The following CSMD1 variants were observed in gnomAD, a reference collection of about 807,000 sequenced individuals.
CSMD1 encodes CUB and Sushi multiple domains 1.
A neutral mutation model predicts 417.5 loss-of-function variants in CSMD1; 213 were observed. The observed-to-expected ratio is 0.51, with a 90% CI of 0.46 to 0.57. CSMD1 has a LOEUF of 0.57. CSMD1 is among the 20% of genes least tolerant of loss of function. The probability of loss-of-function intolerance (pLI) is 0.00; values close to 1 mark genes in which losing one functional copy is unlikely to be tolerated. For missense variants in CSMD1, 6,923 were observed against 4,529.7 expected (o/e 1.53, Z -15.17); for synonymous variants, 2,862 against 1,736.8 (o/e 1.65, Z -16.11).
At chr8:3,006,341 T>C (rs1300547830) in intron 52 of CSMD1, among the ~76,000 whole-genome samples, 1 of 149,330 alleles carries the variant, frequency 6.7e-6, no homozygotes, top group Admixed American at 6.7e-5. Context: ...AAAATGGCCA[T>C]ACTGCCCAAG....
chr8:3,564,189 T>C (rs983858950), intron 10 of CSMD1, among the ~76,000 whole-genome samples: 6 of 152,228 alleles, frequency 3.9e-5, no homozygotes, highest in African/African-American at 1.4e-4. Context: ...AAATATATAA[T>C]AAATTATCAT....
chr8:3,294,834 C>T (rs765334308), intron 25 of CSMD1, among the ~76,000 whole-genome samples: 13 of 152,222 alleles, frequency 8.5e-5, no homozygotes, highest in Non-Finnish European at 1.6e-4. Context: ...CATTGTCCTG[C>T]ACCCACTTTC....
chr8:4,540,244 A>T (rs1268972943), intron 2 of CSMD1, among the ~76,000 whole-genome samples: 1 of 152,202 alleles, frequency 6.6e-6, no homozygotes, highest in Non-Finnish European at 1.5e-5. Context: ...AATGTGGTAG[A>T]TTCCAGCAAG....
intron 3 of CSMD1, among the ~76,000 whole-genome samples, chr8:4,167,208 A>G (rs1797504919): frequency 1.3e-5 from 2 of 152,182 alleles, no homozygotes; most frequent in Admixed American, 1.3e-4. Flanking sequence ...CTGTATTTTA[A>G]CTTGGAAAAT....
intron 8 of CSMD1, among the ~76,000 whole-genome samples, chr8:3,592,449 T>G (rs889004322): frequency 6.6e-6 from 1 of 152,036 alleles, no homozygotes; most frequent in African/African-American, 2.4e-5. Flanking sequence ...ACACAAAAAT[T>G]TGAGGAAACC....
At chr8:4,211,125 T>C (rs939538182) in intron 3 of CSMD1, among the ~76,000 whole-genome samples, 1 of 152,326 alleles carries the variant, frequency 6.6e-6, no homozygotes, top group South Asian at 2.1e-4. Context: ...TATATATTCC[T>C]GAAATGTGTG....
At chr8:4,302,455 C>T (rs1010828596) in intron 3 of CSMD1, among the ~76,000 whole-genome samples, 3 of 152,126 alleles carry the variant, frequency 2.0e-5, no homozygotes, top group East Asian at 1.9e-4. Flanking sequence ...TCACACATAT[C>T]GTGCAGACAA....
At position 2,936,465 on chromosome 8, in the gene CSMD1, TCTTC is replaced by T; in HGVS notation, c.*2116_*2119del. On this transcript the variant is annotated 3_prime_UTR_variant, in exon 70 of 70. Transcript: ENST00000635120. ...ACGAGCCTCCTCACACTTTCAATCA[TCTTC>T]TGTTTCGTTCAATGTGTGTGTTAGG... 1 of 151,506 alleles carries T rather than the reference TCTTC, an allele frequency of 6.6e-6. No homozygotes were observed. Among genetic ancestry groups the T allele is most frequent in the East Asian group, 2.0e-4 (1 of 5,094 alleles). The allele number at this position is 151,506 out of a possible 1,614,324, so 9.4% of individuals were successfully genotyped here. A position where few individuals can be genotyped will look rare whatever the true frequency, so the allele number is the denominator to read the frequency against.
intron 2 of CSMD1, among the ~76,000 whole-genome samples, chr8:4,573,508 G>C (rs1040915687): frequency 6.6e-6 from 1 of 152,132 alleles, no homozygotes; most frequent in Non-Finnish European, 1.5e-5. Flanking sequence ...TGTCCCAGAA[G>C]GGCACCTGAG....
At chr8:3,500,812 T>C (rs935125217) in intron 10 of CSMD1, among the ~76,000 whole-genome samples, 3 of 152,088 alleles carry the variant, frequency 2.0e-5, no homozygotes, top group African/African-American at 7.2e-5. Flanking sequence ...CTAAAGTGGA[T>C]TGGCAGAATG....
chr8:3,656,298 C>T (rs78747129), intron 7 of CSMD1, among the ~76,000 whole-genome samples: 2 of 152,190 alleles, frequency 1.3e-5, no homozygotes, highest in African/African-American at 2.4e-5. Context: ...GAAATACTCT[C>T]TCAGAAGCTT....
intron 7 of CSMD1, among the ~76,000 whole-genome samples, chr8:3,706,122 G>A (rs1421206743): frequency 3.9e-5 from 6 of 152,220 alleles, no homozygotes; most frequent in Admixed American, 3.9e-4. Context: ...CGCCCCGTGT[G>A]GTTCACTTCC....
intron 1 of CSMD1, among the ~76,000 whole-genome samples, chr8:4,856,376 G>A (rs972946897): frequency 2.6e-4 from 37 of 144,006 alleles, no homozygotes; most frequent in African/African-American, 1.0e-3. Context: ...AAAATAACCA[G>A]CTAACATCAT....
chr8:4,114,526 G>C (rs1006293476), intron 3 of CSMD1, among the ~76,000 whole-genome samples: 17 of 149,826 alleles, frequency 1.1e-4, no homozygotes, highest in Non-Finnish European at 1.5e-5. Context: ...CATGGATCAA[G>C]GAATAACTCA....
chr8:2,949,856 A>G (rs1802505089), intron 67 of CSMD1, among the ~76,000 whole-genome samples: 1 of 152,058 alleles, frequency 6.6e-6, no homozygotes, highest in Non-Finnish European at 1.5e-5. Context: ...AAATCTTTCT[A>G]TTTATCTGGG....
intron 5 of CSMD1, among the ~76,000 whole-genome samples, chr8:3,918,247 G>A (rs73499881): frequency 1.4e-4 from 21 of 151,800 alleles, no homozygotes; most frequent in Admixed American, 2.6e-4. Flanking sequence ...GGTAGGTTTT[G>A]TTGTTGTTGT....
chr8:4,595,457 G>A lies in CSMD1; in HGVS notation c.302+41885C>T, dbSNP rs116614230. Among the ~76,000 whole-genome samples, 124 of 152,092 alleles carry A rather than the reference G, an allele frequency of 8.2e-4. 2 individuals carry two copies. Among genetic ancestry groups the A allele is most frequent in the African/African-American group, 2.8e-3 (117 of 41,514 alleles). On this transcript the variant is annotated intron_variant, in intron 2 of 69. Transcript: ENST00000635120. ...AACAATGGAAAGGCCTGGTAAGACT[G>A]TTCTGGTTCTGTGGCTTCCTTTGGA...
intron 1 of CSMD1, among the ~76,000 whole-genome samples, chr8:4,723,255 C>T (rs1042801591): frequency 5.9e-5 from 9 of 152,126 alleles, no homozygotes; most frequent in Admixed American, 4.6e-4. Flanking sequence ...ATTTTCTTGC[C>T]ATCCCTTCAC....
At chr8:4,043,169 A>G (rs1213136536) in intron 3 of CSMD1, among the ~76,000 whole-genome samples, 1 of 152,170 alleles carries the variant, frequency 6.6e-6, no homozygotes, top group African/African-American at 2.4e-5. Flanking sequence ...GCAGCAGTAT[A>G]ACATCACAGT....
Sources: allele counts gnomAD v4.1 joint callset (sites outside exome capture counted in the v4.1 genomes callset), GRCh38; gene constraint gnomAD v4.1.1; transcripts MANE v1.5; gene names NCBI Gene and HGNC (gene_info 2026-07-23, HGNC 2026-07-21).